Variants in BMPR2 observed in about 807,000 individuals in gnomAD.
BMPR2 encodes bone morphogenetic protein receptor type-2.
A neutral mutation model predicts 100.8 loss-of-function variants in BMPR2; 29 were observed. That is an observed-to-expected ratio of 0.29 (90% CI 0.21 to 0.39). The LOEUF (loss-of-function observed/expected upper bound fraction) is 0.39, where lower values mean the gene tolerates loss of function less well. Ranked by LOEUF, BMPR2 falls within the 10% of genes least tolerant of loss-of-function variation. The pLI, the probability that BMPR2 is intolerant of heterozygous loss-of-function variation, is 1.00. For missense variants in BMPR2, 1,011 were observed against 1,274.5 expected, an observed-to-expected ratio of 0.79 and a Z score of 3.15; for synonymous variants, 382 against 442.3, an observed-to-expected ratio of 0.86 and a Z score of 1.71.
At chr2:202,425,763 T>C (rs1182580061) in intron 1 of BMPR2, among the ~76,000 whole-genome samples, 2 of 152,156 alleles carry the variant, frequency 1.3e-5, no homozygotes, top group Admixed American at 6.5e-5. Flanking sequence ...AGAAAAAATA[T>C]ATCCTTTTGA....
At chr2:202,487,035 T>G (rs1300586083) in intron 3 of BMPR2, among the ~76,000 whole-genome samples, 1 of 152,070 alleles carries the variant, frequency 6.6e-6, no homozygotes, top group Non-Finnish European at 1.5e-5. Context: ...CAAATTATAC[T>G]TATTATAATT....
chr2:202,428,127 A>T (rs2105929033), intron 1 of BMPR2, among the ~76,000 whole-genome samples: 1 of 152,290 alleles, frequency 6.6e-6, no homozygotes, highest in East Asian at 1.9e-4. Context: ...AAAGAGCTGT[A>T]GCTCCCTCCT....
Position 202,459,373 on chromosome 2 carries a change from C to T in BMPR2, c.77-5436C>T, listed in dbSNP as rs557531827. Among the ~76,000 whole-genome samples the T allele has an allele frequency of 5.9e-5, 9 of 152,202 alleles. No homozygotes were observed. In the East Asian group the frequency reaches 1.3e-3, roughly 23 times the overall value. ...ACTTTTAAGTTCAGGGGTACATGTGCAGGTTTGTTATATATGTAAACTTGT... is the reference window on the plus strand; with the variant it reads ...ACTTTTAAGTTCAGGGGTACATGTGTAGGTTTGTTATATATGTAAACTTGT... On this transcript the variant is annotated intron_variant, in intron 1 of 12. Transcript: ENST00000374580.
chr2:202,535,685 C>T lies in BMPR2; in HGVS notation c.1276+2953C>T, dbSNP rs748962078. Among the ~76,000 whole-genome samples the T allele has an allele frequency of 3.6e-3, 546 of 152,212 alleles. 2 individuals carry two copies. Among genetic ancestry groups the T allele is most frequent in the Non-Finnish European group, 6.1e-3 (413 of 67,978 alleles). On this transcript the variant is annotated intron_variant, in intron 9 of 12. Coordinates refer to ENST00000374580, the MANE Select transcript of BMPR2 (RefSeq NM_001204.7). ...GCTCCTCACTTCCCAGACGGGGTGG[C>T]GGCCGGGCAGAGGCTGCAATCTCAG...
intron 10 of BMPR2, among the ~76,000 whole-genome samples, chr2:202,545,559 G>C (rs1310977557): frequency 2.0e-5 from 3 of 152,084 alleles, no homozygotes; most frequent in Non-Finnish European, 4.4e-5. Flanking sequence ...AGATTGTCTT[G>C]GTAGGACTAA....
chr2:202,407,199 T>C (rs1290689295), intron 1 of BMPR2, among the ~76,000 whole-genome samples: 6 of 152,152 alleles, frequency 3.9e-5, no homozygotes, highest in Non-Finnish European at 7.4e-5. Flanking sequence ...TACCTTGGCC[T>C]CCCAAAGTGC....
chr2:202,427,027 C>T (rs1691399244), intron 1 of BMPR2, among the ~76,000 whole-genome samples: 2 of 152,188 alleles, frequency 1.3e-5, no homozygotes, highest in East Asian at 3.9e-4. Flanking sequence ...TTGGATAGGA[C>T]GTGGTATATT....
At chr2:202,380,628 CTTTTTTTT>C (rs34657186) in intron 1 of BMPR2, among the ~76,000 whole-genome samples, 1 of 136,012 alleles carries the variant, frequency 7.4e-6, no homozygotes, top group Non-Finnish European at 1.6e-5. Flanking sequence ...GGATTTCTTT[CTTTTTTTT>C]TTTTTTTTTG....
At chr2:202,419,717 A>G (rs1043991785) in intron 1 of BMPR2, among the ~76,000 whole-genome samples, 6 of 152,308 alleles carry the variant, frequency 3.9e-5, no homozygotes, top group Non-Finnish European at 7.3e-5. Context: ...TTCAGTTTCC[A>G]TAAGTAAGAT....
intron 1 of BMPR2, among the ~76,000 whole-genome samples, chr2:202,421,641 CAA>C (rs759171954): frequency 2.3e-4 from 13 of 57,560 alleles, no homozygotes; most frequent in Middle Eastern, 0.013. Flanking sequence ...GACTCCGTCT[CAA>C]AAAAAAAAAA....
At chr2:202,415,332 G>A (rs1218175124) in intron 1 of BMPR2, among the ~76,000 whole-genome samples, 1 of 152,132 alleles carries the variant, frequency 6.6e-6, no homozygotes, top group Non-Finnish European at 1.5e-5. Context: ...TTAGCTGAGT[G>A]TGTTGCTGCA....
rs370841337 is a variant in BMPR2 at position 202,451,929 on chromosome 2, T to A, written c.77-12880T>A. On this transcript the variant is annotated intron_variant, in intron 1 of 12. Coordinates refer to ENST00000374580, the MANE Select transcript of BMPR2 (RefSeq NM_001204.7). ...CACTCCTGGCTAAATTTTTTGTGTG[T>A]TTTTAGTAGAGATGCGGTTTCTCCA... Among the ~76,000 whole-genome samples the A allele has an allele frequency of 4.6e-5, 7 of 152,120 alleles. No homozygotes were observed. In the East Asian group the frequency reaches 9.8e-4, roughly 21 times the overall value.
intron 1 of BMPR2, among the ~76,000 whole-genome samples, chr2:202,445,545 G>A (rs1691832721): frequency 6.7e-6 from 1 of 149,518 alleles, no homozygotes; most frequent in Admixed American, 6.6e-5. Context: ...GTTTTTTGAG[G>A]AACCTCCAAA....
chr2:202,487,608 C>T (rs1447452768), intron 3 of BMPR2, among the ~76,000 whole-genome samples: 2 of 152,142 alleles, frequency 1.3e-5, no homozygotes, highest in African/African-American at 4.8e-5. Context: ...GTTTACTTTG[C>T]CTGTATTGCA....
chr2:202,504,687 T>C (rs1439938896), intron 3 of BMPR2, among the ~76,000 whole-genome samples: 1 of 148,710 alleles, frequency 6.7e-6, no homozygotes, highest in Non-Finnish European at 1.5e-5. Context: ...TCTTTTTTTT[T>C]TTTTTTTTTT....
At chr2:202,466,239 C>T (rs890796529) in intron 2 of BMPR2, among the ~76,000 whole-genome samples, 3 of 152,130 alleles carry the variant, frequency 2.0e-5, no homozygotes, top group Non-Finnish European at 4.4e-5. Flanking sequence ...CATTTATATT[C>T]TCTCCAACAC....
At position 202,407,874 on chromosome 2, in the gene BMPR2, C is replaced by G. The variant is rs1240322338; in HGVS notation, c.76+30324C>G. ...TTGGAGACGGAGTCTCGCTTTGTAG[C>G]CCAGGCTGAAGTGCAGTGGCGTGAT... On this transcript the variant is annotated intron_variant, in intron 1 of 12. Transcript: ENST00000374580. 2.0e-5 allele frequency among the ~76,000 whole-genome samples: 3 copies of G among 151,046 alleles called. No individual in the cohort carries two copies. The East Asian group carries it at 5.8e-4, about 29-fold the overall frequency.
intron 1 of BMPR2, among the ~76,000 whole-genome samples, chr2:202,391,981 C>G (rs551424450): frequency 5.3e-5 from 8 of 151,802 alleles, no homozygotes; most frequent in Admixed American, 3.9e-4. Context: ...GGGATGGTCT[C>G]GTTCTCTTGA....
intron 1 of BMPR2, among the ~76,000 whole-genome samples, chr2:202,377,892 A>G (rs574517121): frequency 1.4e-4 from 22 of 152,390 alleles, no homozygotes; most frequent in African/African-American, 5.0e-4. Context: ...GCTTATTATG[A>G]GATCTCTGGA....
Sources: gnomAD v4.1 joint callset for allele counts (sites outside exome capture counted in the v4.1 genomes callset) on GRCh38, gnomAD v4.1.1 for gene constraint, MANE v1.5 for transcripts, NCBI Gene and HGNC (gene_info 2026-07-23, HGNC 2026-07-21) for gene names.